GATA3: variants seen among roughly 807,000 people sequenced by gnomAD.
The protein encoded by GATA3 is GATA binding protein 3.
GATA3 carries 6 observed loss-of-function variants against 36.0 expected under a neutral mutation model. The ratio of observed to expected loss-of-function variants is 0.17; its 90% CI spans 0.09 to 0.33. The LOEUF (loss-of-function observed/expected upper bound fraction) is 0.33. Ranked by LOEUF, GATA3 falls within the 10% of genes least tolerant of loss-of-function variation. GATA3 has a pLI of 1.00. For synonymous variants in GATA3, 326 were observed against 273.0 expected (o/e 1.19, Z -1.92); for missense variants, 514 against 610.1 (o/e 0.84, Z 1.66).
intron 1 of GATA3, chr10:8,045,550 C>T (rs1456935115): frequency 2.0e-5 from 3 of 152,312 alleles, no homozygotes; most frequent in African/African-American, 7.2e-5. Flanking sequence ...TCTCTAACTC[C>T]GCACTCCCTC....
chr10:8,058,919 A>G, intron 3 of GATA3, 78 bp downstream of exon 3: 6 of 1,400,740 alleles, frequency 4.3e-6, no homozygotes, highest in Non-Finnish European at 5.9e-6. Context: ...ACCCAGAGGG[A>G]CCCCTCAGGG....
chr10:8,062,624 C>A (rs548807309), intron 3 of GATA3, among the ~76,000 whole-genome samples: 1 of 152,248 alleles, frequency 6.6e-6, no homozygotes, highest in African/African-American at 2.4e-5. Context: ...TCTCAAGCAC[C>A]CTACTGGGTT....
chr10:8,065,962 T>TAAAAA (rs66810069), intron 4 of GATA3, among the ~76,000 whole-genome samples: 1 of 91,086 alleles, frequency 1.1e-5, no homozygotes, highest in African/African-American at 4.2e-5. Flanking sequence ...CTGGCCTTAG[T>TAAAAA]AAAAAAAAAA....
upstream of GATA3, chr10:8,050,561 G>GA: frequency 5.6e-6 from 1 of 179,066 alleles, no homozygotes; most frequent in Admixed American, 6.2e-5. Context: ...CTCGGGCCGT[G>GA]CTGCAGTTTC....
intron 3 of GATA3, 143 bp from the exon 4 acceptor site, chr10:8,063,850 A>C: frequency 2.7e-6 from 3 of 1,092,760 alleles, no homozygotes; most frequent in Non-Finnish European, 4.1e-6. Context: ...TCTTGGAAAG[A>C]GGTGGGGGTG....
rs1377143132 is a variant in GATA3, at chr10:8,065,547, G to A, written c.924+1409G>A. ...GCTGGGATTACAGGCATGAGCCACC[G>A]CTCCCAGCCAAAGAAGGAAAACTTT... On this transcript the variant is annotated intron_variant, in intron 4 of 5. Transcript: ENST00000379328. Among the ~76,000 whole-genome samples the A allele has an allele frequency of 6.6e-5, 10 of 151,770 alleles. No homozygotes were observed. In the East Asian group the frequency reaches 9.6e-4, roughly 15 times the overall value.
chr10:8,072,808 A>G (rs1311741436), intron 5 of GATA3, among the ~76,000 whole-genome samples: 1 of 152,160 alleles, frequency 6.6e-6, no homozygotes, highest in East Asian at 1.9e-4. Flanking sequence ...AGGTGGAAAT[A>G]GCACTTGCAA....
chr10:8,058,632 T>C lies in GATA3; in HGVS notation c.569T>C (p.Leu190Pro), dbSNP rs747870862. 5.0e-6 allele frequency: 8 copies of C among 1,612,000 alleles called. No individual in the cohort carries two copies. In the African/African-American group the frequency reaches 1.1e-4, roughly 22 times the overall value. ...GAGTGCCTCAAGTACCAGGTGCCCC[T>C]GCCCGACAGCATGAAGCTGGAGTCG... ...EKECLKYQVPLPDSMKLESSH... is the reference protein window; with the variant it reads ...EKECLKYQVPPPDSMKLESSH... The change falls in exon 3 of 6, where the codon CTG becomes CCG. Residue 190 changes from leucine (L) to proline (P), a missense_variant. Physicochemically the swap from Leu to Pro is moderately conservative, Grantham distance 98 (BLOSUM62 -3). Coordinates refer to ENST00000379328, the MANE Select transcript of GATA3 (RefSeq NM_001002295.2).
chr10:8,069,692 C>T (rs2131512880), intron 5 of GATA3, 94 bp downstream of exon 5: 1 of 1,421,988 alleles, frequency 7.0e-7, no homozygotes, highest in Non-Finnish European at 9.8e-7. Flanking sequence ...AATCGCTCAC[C>T]ATGGGGGCAG....
chr10:8,058,701 C>G lies in GATA3; in HGVS notation c.638C>G (p.Ser213Trp). 6.2e-7 allele frequency: 1 copy of G among 1,612,978 alleles called. No homozygotes were observed. Among genetic ancestry groups the G allele is most frequent in the Non-Finnish European group, 8.5e-7 (1 of 1,179,962 alleles). The change falls in exon 3 of 6, where the codon TCG becomes TGG. Residue 213 changes from serine (S) to tryptophan (W), a missense_variant. Physicochemically the swap from Ser to Trp is radical, Grantham distance 177. Around this residue, in one of 3 missense-constraint regions of GATA3, gnomAD observed 381 missense variants for 354.3 expected, o/e 1.08. Coordinates refer to ENST00000379328, the MANE Select transcript of GATA3 (RefSeq NM_001002295.2). ...ATGACCGCCCTGGGTGGAGCCTCCT[C>G]GTCGACCCACCACCCCATCACCACC... ...GSMTALGGAS[S>W]STHHPITTYP...
intron 3 of GATA3, among the ~76,000 whole-genome samples, chr10:8,062,486 G>A (rs1389287353): frequency 6.6e-6 from 1 of 151,880 alleles, no homozygotes; most frequent in African/African-American, 2.4e-5. Flanking sequence ...CTTACCCCTG[G>A]AGAGTATCAC....
intron 1 of GATA3, among the ~76,000 whole-genome samples, chr10:8,046,993 C>T (rs1164252325): frequency 6.6e-6 from 1 of 152,112 alleles, no homozygotes; most frequent in Non-Finnish European, 1.5e-5. Context: ...TCTCTGCCAG[C>T]CCCAGCACTG....
chr10:8,061,590 C>T (rs1832749847), intron 3 of GATA3, among the ~76,000 whole-genome samples: 1 of 152,200 alleles, frequency 6.6e-6, no homozygotes, highest in South Asian at 2.1e-4. Context: ...GCTGAAGTGA[C>T]AGACCAGAGG....
intron 3 of GATA3, among the ~76,000 whole-genome samples, chr10:8,062,061 C>T (rs1051207732): frequency 6.6e-6 from 1 of 152,224 alleles, no homozygotes; most frequent in Non-Finnish European, 1.5e-5. Flanking sequence ...GCTTGGGCTG[C>T]AGCCGGTTAC....
upstream of GATA3, chr10:8,050,839 C>T (rs1214997678): frequency 2.4e-6 from 1 of 412,906 alleles, no homozygotes; most frequent in African/African-American, 2.2e-5. Flanking sequence ...GGCACGCTCT[C>T]TCCCCCTCCG....
rs764474372 is a variant in GATA3, at chr10:8,069,508, C to G, written c.960C>G (p.Asn320Lys). ...AARRAGTSCA[N>K]CQTTTTTLWR... ...GGAGAGCAGGGACGTCCTGTGCGAACTGTCAGACCACCACAACCACACTCT... is the reference window on the plus strand; with the variant it reads ...GGAGAGCAGGGACGTCCTGTGCGAAGTGTCAGACCACCACAACCACACTCT... Residue 320 changes from asparagine to lysine, a missense_variant, in exon 5 of 6, where the codon AAC (asparagine) becomes AAG (lysine). By Grantham distance (94) the Asn-to-Lys change is moderately conservative. This residue lies in a region of GATA3 where 44 missense variants were observed against 151.5 expected (regional missense o/e 0.29). Transcript: ENST00000379328. The G allele has an allele frequency of 6.2e-7, 1 of 1,613,996 alleles. No homozygotes were observed. Among genetic ancestry groups the G allele is most frequent in the African/African-American group, 1.3e-5 (1 of 74,974 alleles).
intron 5 of GATA3, among the ~76,000 whole-genome samples, chr10:8,072,715 C>T (rs922905690): frequency 6.6e-6 from 1 of 152,114 alleles, no homozygotes; most frequent in East Asian, 1.9e-4. Flanking sequence ...CCCTTTTGTG[C>T]TTTGCACCCC....
upstream of GATA3, chr10:8,045,340 GCCC>G (rs1832374646): frequency 6.6e-6 from 1 of 152,470 alleles, no homozygotes; most frequent in Non-Finnish European, 1.5e-5. Flanking sequence ...AACGTACATC[GCCC>G]AGGTTTTACC....
At chr10:8,053,089 G>GAT (rs1832541857), upstream of GATA3, 1 of 152,154 alleles carries the variant, frequency 6.6e-6, no homozygotes, top group South Asian at 2.1e-4. The surrounding 1 kb of genome is among the most constrained non-coding windows in gnomAD (Gnocchi z 5.1). Flanking sequence ...TTTCTACAGG[G>GAT]ATAGTGTTTT....
Sources: gnomAD v4.1 joint callset for allele counts (sites outside exome capture counted in the v4.1 genomes callset) on GRCh38, gnomAD v4.1.1 for gene constraint, gnomAD v4.1.1 regional missense constraint, Gnocchi (gnomAD v3.1) non-coding constraint, MANE v1.5 for transcripts, NCBI Gene and HGNC (gene_info 2026-07-23, HGNC 2026-07-21) for gene names.